PRRC2B: variants seen among roughly 807,000 people sequenced by gnomAD.
PRRC2B encodes the protein protein PRRC2B.
In PRRC2B, 68 loss-of-function variants were observed where a neutral mutation model predicts 242.3. The observed-to-expected ratio is 0.28, with a 90% confidence interval of 0.23 to 0.34. The LOEUF (loss-of-function observed/expected upper bound fraction) is 0.34, where lower values mean the gene tolerates loss of function less well. PRRC2B is among the 10% of genes least tolerant of loss of function. The pLI, the probability that PRRC2B is intolerant of heterozygous loss-of-function variation, is 1.00. For synonymous variants in PRRC2B, 1,228 were observed against 1,173.6 expected, an observed-to-expected ratio of 1.05 and a Z score of -0.95; for missense variants, 2,835 against 2,954.8, an observed-to-expected ratio of 0.96 and a Z score of 0.94.
chr9:131,427,029 C>T (rs73551690), intron 1 of PRRC2B, among the ~76,000 whole-genome samples: 148 of 152,332 alleles, frequency 9.7e-4, no homozygotes, highest in African/African-American at 3.4e-3. Context: ...GGCACAGTGT[C>T]GGCCCCTGGT....
In PRRC2B at chr9:131,499,741, A is replaced by T. The variant is rs1469821870; in HGVS notation, c.*3867A>T. ...GAGCCCCATCTTCAGCATGTTCTGA[A>T]GCCTCAGAGTGGAAATTCCTGCTAA... On this transcript the variant is annotated 3_prime_UTR_variant, in exon 32 of 32. Coordinates refer to ENST00000683519, the MANE Select transcript of PRRC2B (RefSeq NM_013318.4). The T allele has an allele frequency of 2.0e-5, 3 of 152,162 alleles. No individual in the cohort carries two copies. The highest frequency in any genetic ancestry group is 4.4e-5 in the Non-Finnish European group (3 of 68,028). 9.4% of individuals were successfully genotyped at this position (152,162 alleles called of 1,614,324 possible).
At position 131,379,316 on chromosome 9, in the gene PRRC2B, GA is replaced by G. The variant is rs1836725516; in HGVS notation, c.-56+5587del. On this transcript the variant is annotated intron_variant, in intron 1 of 1. Transcript: ENST00000682525. ...GTGTTGGGGTATATATCCAGGAGTA[GA>G]ATTTCTGGGTCATATGAGAATTCTG... 2.0e-5 allele frequency among the ~76,000 whole-genome samples: 3 copies of G among 152,264 alleles called. No homozygotes were observed. In the South Asian group the frequency reaches 6.2e-4, roughly 32 times the overall value.
rs1838099051 is a variant in PRRC2B at position 131,430,325 on chromosome 9, A to G, written c.115+66A>G. ...CGAGTGACATATCCCAGAAACCCAGAGTCCCTCACCTGGTTAGACAGATGT... is the reference window on the plus strand; with the variant it reads ...CGAGTGACATATCCCAGAAACCCAGGGTCCCTCACCTGGTTAGACAGATGT... On this transcript the variant is annotated intron_variant, in intron 2 of 31. Transcript: ENST00000683519. 2.2e-5 allele frequency: 22 copies of G among 983,876 alleles called. No individual in the cohort carries two copies. In the South Asian group the frequency reaches 2.8e-4, roughly 12 times the overall value. 60.9% of individuals were successfully genotyped at this position (983,876 alleles called of 1,614,324 possible).
chr9:131,416,118 T>C (rs552479618), intron 1 of PRRC2B, among the ~76,000 whole-genome samples: 3 of 151,962 alleles, frequency 2.0e-5, no homozygotes, highest in Admixed American at 6.5e-5. Context: ...TTCTTTCTTT[T>C]TTTTTTTTAA....
intron 19 of PRRC2B, among the ~76,000 whole-genome samples, chr9:131,479,826 T>C (rs1430148260): frequency 6.6e-6 from 1 of 152,198 alleles, no homozygotes; most frequent in African/African-American, 2.4e-5. Flanking sequence ...GGGAAGGCTC[T>C]GGAAACCCCT....
At chr9:131,408,176 G>C (rs1201778654) in intron 1 of PRRC2B, among the ~76,000 whole-genome samples, 1 of 152,222 alleles carries the variant, frequency 6.6e-6, no homozygotes, top group South Asian at 2.1e-4. Flanking sequence ...AAGGGCGTCT[G>C]ACTCCCATGT....
chr9:131,384,955 G>C (rs1253314686), intron 1 of PRRC2B, among the ~76,000 whole-genome samples: 3 of 152,190 alleles, frequency 2.0e-5, no homozygotes, highest in African/African-American at 7.2e-5. Context: ...GCTGGAGAGA[G>C]TGGGCATGAA....
upstream of PRRC2B, among the ~76,000 whole-genome samples, chr9:131,393,568 G>T (rs926962493): frequency 2.6e-5 from 4 of 152,196 alleles, no homozygotes; most frequent in African/African-American, 9.6e-5. Context: ...TATTATTTCT[G>T]CTTCCTTTCC....
intron 9 of PRRC2B, among the ~76,000 whole-genome samples, chr9:131,454,528 C>T (rs1385581529): frequency 6.6e-5 from 10 of 152,212 alleles, no homozygotes; most frequent in African/African-American, 1.9e-4. Flanking sequence ...GCCCTTCAGT[C>T]ACAGGGGTAG....
At chr9:131,417,114 T>G (rs991263052) in intron 1 of PRRC2B, among the ~76,000 whole-genome samples, 3 of 152,142 alleles carry the variant, frequency 2.0e-5, no homozygotes, top group African/African-American at 7.2e-5. Context: ...GAGGCTGGCC[T>G]TTTCATTTCT....
At chr9:131,400,230 C>T (rs1230518059) in intron 1 of PRRC2B, among the ~76,000 whole-genome samples, 1 of 152,178 alleles carries the variant, frequency 6.6e-6, no homozygotes, top group Admixed American at 6.5e-5. Flanking sequence ...ATCCTATAGG[C>T]ATGCGCCACC....
At chr9:131,431,065 C>G (rs1838151600) in intron 2 of PRRC2B, among the ~76,000 whole-genome samples, 1 of 151,994 alleles carries the variant, frequency 6.6e-6, no homozygotes, top group South Asian at 2.1e-4. Flanking sequence ...ATTCTCCTGC[C>G]TCAGCCTCCT....
intron 1 of PRRC2B, among the ~76,000 whole-genome samples, chr9:131,417,569 G>A (rs1425627809): frequency 6.6e-6 from 1 of 152,116 alleles, no homozygotes; most frequent in Non-Finnish European, 1.5e-5. Context: ...CAGTCCTCAT[G>A]TTGTGGCATC....
chr9:131,438,111 G>A (rs956158274), intron 4 of PRRC2B, among the ~76,000 whole-genome samples: 6 of 152,214 alleles, frequency 3.9e-5, no homozygotes, highest in Admixed American at 3.3e-4. Flanking sequence ...AGTGTTGTGC[G>A]AGTTTTAGAA....
chr9:131,446,559 G>T lies in PRRC2B; in HGVS notation c.772G>T (p.Ala258Ser). ...TTCTAAGGACCCCTCTCTCCGCCCG[G>T]CTCAGCCTGTCCGAAAAGGGGCTTC... ...SDSKDPSLRP[A>S]QPVRKGASQF... is the part of the protein sequence containing the mutation. Residue 258 changes from alanine to serine, a missense_variant, in exon 7 of 32, where the codon GCT (alanine) becomes TCT (serine). Transcript: ENST00000683519. This position sits in a 1 kb window ranked among gnomAD's most constrained non-coding sequence, Gnocchi z 4.1. 2 of 1,613,860 alleles carry T rather than the reference G, an allele frequency of 1.2e-6. No homozygotes were observed. The highest frequency in any genetic ancestry group is 1.7e-6 in the Non-Finnish European group (2 of 1,179,848).
intron 1 of PRRC2B, among the ~76,000 whole-genome samples, chr9:131,402,274 C>T (rs34670146): frequency 6.6e-6 from 1 of 152,172 alleles, no homozygotes; most frequent in African/African-American, 2.4e-5. Flanking sequence ...GCCACCTTGC[C>T]CTGCCAACCA....
chr9:131,485,225 C>T (rs1183723253), intron 25 of PRRC2B, 85 bp downstream of exon 25: 2 of 1,149,954 alleles, frequency 1.7e-6, no homozygotes, highest in Non-Finnish European at 1.2e-6. Context: ...ATGTCACCTC[C>T]TGGCCTTGTC....
At chr9:131,486,034 A>G (rs1944013985) in intron 25 of PRRC2B, 51 bp from the exon 26 acceptor site, 1 of 1,211,008 alleles carries the variant, frequency 8.3e-7, no homozygotes, top group South Asian at 1.3e-5. Context: ...GACATTGAGA[A>G]GTAGTGAGGC....
At chr9:131,434,789 C>G (rs186368360) in intron 3 of PRRC2B, among the ~76,000 whole-genome samples, 1 of 152,060 alleles carries the variant, frequency 6.6e-6, no homozygotes, top group Non-Finnish European at 1.5e-5. Context: ...CTACTGTGAC[C>G]GGAGCGCTGA....
Sources: gnomAD v4.1 joint callset for allele counts (sites outside exome capture counted in the v4.1 genomes callset) on GRCh38, gnomAD v4.1.1 for gene constraint, Gnocchi (gnomAD v3.1) non-coding constraint, MANE v1.5 for transcripts, NCBI Gene and HGNC (gene_info 2026-07-23, HGNC 2026-07-21) for gene names.